Variants in ANKS1B observed in about 807,000 individuals in gnomAD.
The protein encoded by ANKS1B is ankyrin repeat and sterile alpha motif domain containing 1B, also known as ankyrin repeat and sterile alpha motif domain-containing protein 1B.
A neutral mutation model predicts 148.3 loss-of-function variants in ANKS1B; 36 were observed. That is an observed-to-expected ratio of 0.24 (90% CI 0.19 to 0.32). ANKS1B has a LOEUF of 0.32. Ranked by LOEUF, ANKS1B falls within the 10% of genes least tolerant of loss-of-function variation. ANKS1B has a pLI of 1.00. For missense variants in ANKS1B, 1,157 were observed against 1,542.6 expected, an observed-to-expected ratio of 0.75 and a Z score of 4.19; for synonymous variants, 542 against 560.8, an observed-to-expected ratio of 0.97 and a Z score of 0.47.
At chr12:98,743,876 A>AAAG (rs1197673813), downstream of ANKS1B, 9 of 560,886 alleles carry the variant, frequency 1.6e-5, no homozygotes, top group Admixed American at 6.3e-5. Flanking sequence ...GCCAATTAAA[A>AAAG]AAGTCCCTTT....
At chr12:99,697,936 A>G (rs954320912) in intron 8 of ANKS1B, among the ~76,000 whole-genome samples, 11 of 152,070 alleles carry the variant, frequency 7.2e-5, no homozygotes, top group Non-Finnish European at 1.3e-4. Context: ...TATAAGCAAA[A>G]ATGTATGCAT....
rs1344655217 is a variant in ANKS1B, at chr12:99,794,058, G to T, written c.670-11961C>A. On this transcript the variant is annotated intron_variant, in intron 4 of 26. Coordinates refer to ENST00000683438, the MANE Select transcript of ANKS1B (RefSeq NM_001352186.2). ...AAGAAGACACATAAATGGCAAACAG[G>T]TATATGAAAAGGTGTTCAGCATCAT... Among the ~76,000 whole-genome samples the T allele has an allele frequency of 3.3e-5, 5 of 152,090 alleles. No individual in the cohort carries two copies. In the South Asian group the frequency reaches 6.2e-4, roughly 19 times the overall value.
intron 9 of ANKS1B, among the ~76,000 whole-genome samples, chr12:99,639,872 A>G (rs2098283338): frequency 6.6e-6 from 1 of 152,128 alleles, no homozygotes. Context: ...ACAACCTCTT[A>G]ACAAAAATGG....
intron 8 of ANKS1B, among the ~76,000 whole-genome samples, chr12:99,711,913 T>G (rs1322991915): frequency 6.6e-6 from 1 of 152,174 alleles, no homozygotes; most frequent in Non-Finnish European, 1.5e-5. Context: ...ATTACAGCAC[T>G]ATTCACAAAA....
chr12:99,744,660 C>A (rs1405768910), intron 8 of ANKS1B, among the ~76,000 whole-genome samples: 1 of 152,058 alleles, frequency 6.6e-6, no homozygotes, highest in Non-Finnish European at 1.5e-5. Flanking sequence ...TAGAAACCTG[C>A]AAATGGAAAA....
intron 17 of ANKS1B, among the ~76,000 whole-genome samples, chr12:98,848,732 G>A (rs993109279): frequency 2.7e-5 from 1 of 36,888 alleles, no homozygotes; most frequent in Non-Finnish European, 4.8e-5. Flanking sequence ...ATTAATTTCT[G>A]TGTATGTGTG....
intron 9 of ANKS1B, among the ~76,000 whole-genome samples, chr12:99,575,515 C>CT (rs1291985803): frequency 6.6e-6 from 1 of 152,036 alleles, no homozygotes; most frequent in East Asian, 1.9e-4. Flanking sequence ...ATCCACATGG[C>CT]TGGGGAGGCC....
At chr12:99,782,560 AAAAT>A (rs774369294) in intron 4 of ANKS1B, among the ~76,000 whole-genome samples, 2 of 152,284 alleles carry the variant, frequency 1.3e-5, no homozygotes, top group Middle Eastern at 6.8e-3. Flanking sequence ...CTCCATCTCA[AAAAT>A]AAATAAATAA....
chr12:98,903,730 A>G (rs1303546176), intron 17 of ANKS1B, among the ~76,000 whole-genome samples: 2 of 152,190 alleles, frequency 1.3e-5, no homozygotes, highest in Non-Finnish European at 2.9e-5. Context: ...GTAACTGTAA[A>G]GTGTCCTGAT....
intron 12 of ANKS1B, among the ~76,000 whole-genome samples, chr12:99,363,804 A>C (rs56242296): frequency 0.038 from 5,767 of 152,248 alleles, 141 homozygotes; most frequent in Non-Finnish European, 0.062. Flanking sequence ...GACAAATAAA[A>C]TCACCATAAC....
intron 10 of ANKS1B, among the ~76,000 whole-genome samples, chr12:99,444,787 A>G (rs2095610291): frequency 5.9e-5 from 9 of 152,038 alleles, no homozygotes; most frequent in Admixed American, 5.9e-4. Flanking sequence ...CTAGACAGTT[A>G]GCTGAACTGA....
In ANKS1B at chr12:99,984,349, A is replaced by G. The variant is rs997891210; in HGVS notation, c.-112T>C. ...CTTCGCCCCACCCTAAAATAATGCA[A>G]GAGCTTCAGCACGGAGAGCTCCCTG... is the stretch of plus-strand genomic sequence containing the variant. On this transcript the variant is annotated 5_prime_UTR_variant, in exon 1 of 27. Coordinates refer to ENST00000683438, the MANE Select transcript of ANKS1B (RefSeq NM_001352186.2). 2.7e-6 allele frequency: 2 copies of G among 752,124 alleles called. No homozygotes were observed. The highest frequency in any genetic ancestry group is 3.1e-5 in the Admixed American group (1 of 31,782). The allele number at this position is 752,124 out of a possible 1,614,324, so 46.6% of individuals were successfully genotyped here.
intron 14 of ANKS1B, among the ~76,000 whole-genome samples, chr12:99,235,874 G>A (rs996494729): frequency 6.6e-6 from 1 of 152,130 alleles, no homozygotes; most frequent in Admixed American, 6.6e-5. Context: ...CTACCAGGGT[G>A]TCACTTAGAC....
At chr12:99,244,250 GA>G in intron 14 of ANKS1B, 91 bp downstream of exon 14, 1 of 842,264 alleles carries the variant, frequency 1.2e-6, no homozygotes, top group Non-Finnish European at 1.9e-6. Context: ...TTGTTATAAT[GA>G]AAAAAATGCA....
intron 17 of ANKS1B, among the ~76,000 whole-genome samples, chr12:98,859,912 C>T (rs1439239613): frequency 6.6e-6 from 1 of 152,122 alleles, no homozygotes; most frequent in Non-Finnish European, 1.5e-5. Flanking sequence ...GTTTTGGGCT[C>T]TCATATTTTC....
intron 14 of ANKS1B, among the ~76,000 whole-genome samples, chr12:99,196,462 C>T (rs2081385805): frequency 6.6e-6 from 1 of 152,086 alleles, no homozygotes; most frequent in South Asian, 2.1e-4. Flanking sequence ...GGCTGGCTGT[C>T]TTTACTACAA....
chr12:98,901,397 C>T (rs945687594), intron 17 of ANKS1B, among the ~76,000 whole-genome samples: 7 of 152,234 alleles, frequency 4.6e-5, no homozygotes, highest in African/African-American at 1.7e-4. Flanking sequence ...AGCGTCCACA[C>T]TCTCCATTTT....
intron 16 of ANKS1B, among the ~76,000 whole-genome samples, chr12:99,056,771 C>T (rs1297673092): frequency 6.6e-6 from 1 of 152,160 alleles, no homozygotes; most frequent in African/African-American, 2.4e-5. Flanking sequence ...AATATAACTT[C>T]CCATGCTTGG....
In ANKS1B at chr12:98,751,655, T is replaced by C; in HGVS notation, c.3580-133A>G. ...TTCACCAGAGGCAGCAGCGATTCGG[T>C]GGAAATCTACAAAGAACAGGACACT... On this transcript the variant is annotated intron_variant, in intron 25 of 26. Coordinates refer to ENST00000683438, the MANE Select transcript of ANKS1B (RefSeq NM_001352186.2). The surrounding 1 kb of genome is among the most constrained non-coding windows in gnomAD (Gnocchi z 4.3). 1.2e-6 allele frequency: 1 copy of C among 847,764 alleles called. No homozygotes were observed. The highest frequency in any genetic ancestry group is 1.9e-6 in the Non-Finnish European group (1 of 526,552). 52.5% of individuals were successfully genotyped at this position (847,764 alleles called of 1,614,324 possible).
Sources: allele counts gnomAD v4.1 joint callset (sites outside exome capture counted in the v4.1 genomes callset), GRCh38; gene constraint gnomAD v4.1.1; non-coding constraint Gnocchi (gnomAD v3.1); transcripts MANE v1.5; gene names NCBI Gene and HGNC (gene_info 2026-07-23, HGNC 2026-07-21).